The following TENM2 variants were observed in gnomAD, a reference collection of about 807,000 sequenced individuals.
TENM2 encodes the protein teneurin-2.
Under a neutral mutation model 245.2 loss-of-function variants are expected in TENM2, and 52 were observed. That is an observed-to-expected ratio of 0.21 (90% CI 0.17 to 0.27). The LOEUF (loss-of-function observed/expected upper bound fraction) is 0.27, where lower values mean the gene tolerates loss of function less well. Ranked by LOEUF, TENM2 falls within the 10% of genes least tolerant of loss-of-function variation. The pLI, the probability that TENM2 is intolerant of heterozygous loss-of-function variation, is 1.00. For missense variants in TENM2, 3,046 were observed against 3,666.8 expected, an observed-to-expected ratio of 0.83 and a Z score of 4.37; for synonymous variants, 1,363 against 1,438.9, an observed-to-expected ratio of 0.95 and a Z score of 1.19.
chr5:167,188,086 A>G, the TENM2 span, among the ~76,000 whole-genome samples: 160 of 152,184 alleles, frequency 1.1e-3, 1 homozygote, highest in African/African-American at 3.7e-3. Flanking sequence ...TGTTGCATTA[A>G]TTTATTCATC....
intron 1 of TENM2, among the ~76,000 whole-genome samples, chr5:167,310,682 G>T (rs1581715339): frequency 6.6e-6 from 1 of 152,188 alleles, no homozygotes; most frequent in Non-Finnish European, 1.5e-5. Context: ...GATCAGGATT[G>T]AACCTGAAAC....
At chr5:167,609,822 A>G (rs1177981315) in intron 2 of TENM2, among the ~76,000 whole-genome samples, 2 of 152,104 alleles carry the variant, frequency 1.3e-5, no homozygotes, top group Non-Finnish European at 2.9e-5. Flanking sequence ...GGTCACCAAA[A>G]TGTGTGGAGA....
intron 2 of TENM2, among the ~76,000 whole-genome samples, chr5:167,433,442 G>A (rs1764364561): frequency 6.6e-6 from 1 of 152,092 alleles, no homozygotes; most frequent in Admixed American, 6.6e-5. Flanking sequence ...AGACTAATAT[G>A]TAGATTCTTT....
chr5:168,194,960 C>T (rs557479559), intron 14 of TENM2, among the ~76,000 whole-genome samples: 1 of 152,238 alleles, frequency 6.6e-6, no homozygotes, highest in East Asian at 1.9e-4. Context: ...AAGGCGGGTG[C>T]CCAGGAGACC....
chr5:167,567,759 C>T (rs1055271848), intron 2 of TENM2, among the ~76,000 whole-genome samples: 12 of 152,152 alleles, frequency 7.9e-5, no homozygotes, highest in African/African-American at 1.9e-4. Context: ...GGGGTAAAAA[C>T]GCTACAAATA....
At position 168,214,534 on chromosome 5, in the gene TENM2, C is replaced by T. The variant is rs76031745; in HGVS notation, c.3846-506C>T. Among the ~76,000 whole-genome samples, 20 of 152,260 alleles carry T rather than the reference C, an allele frequency of 1.3e-4. 2 individuals are homozygous for T. The East Asian group carries it at 2.5e-3, about 19-fold the overall frequency. On this transcript the variant is annotated intron_variant, in intron 20 of 28. Coordinates refer to ENST00000518659, the Ensembl canonical transcript of TENM2. ...AAGCTCTGAGCCTGGAGATTGGGGG[C>T]GGTTATGGGGTGCTTCCCATGATAA...
At chr5:168,225,324 G>T (rs144643613) in intron 23 of TENM2, among the ~76,000 whole-genome samples, 1 of 152,210 alleles carries the variant, frequency 6.6e-6, no homozygotes. Flanking sequence ...AAGACTCAGG[G>T]CATGGATGGT....
At chr5:168,100,222 G>A (rs1330508610) in intron 9 of TENM2, among the ~76,000 whole-genome samples, 1 of 152,154 alleles carries the variant, frequency 6.6e-6, no homozygotes, top group East Asian at 1.9e-4. Flanking sequence ...TCATTAAAAA[G>A]TCAGGAAACA....
In TENM2 at chr5:168,010,303, A is replaced by C. The variant is rs114576222; in HGVS notation, c.1186+17121A>C. ...AATATAAAGGAAACCTGCCCTTGGG[A>C]ATACAAAGATTGTGTGAGAGTTGTA... On this transcript the variant is annotated intron_variant, in intron 5 of 28. Coordinates refer to ENST00000518659, the Ensembl canonical transcript of TENM2. Among the ~76,000 whole-genome samples the C allele has an allele frequency of 8.2e-4, 125 of 152,334 alleles. 1 individual carries two copies. The highest frequency in any genetic ancestry group is 3.0e-3 in the African/African-American group (124 of 41,586).
chr5:168,115,416 A>AAAGG (rs142790285), intron 9 of TENM2, among the ~76,000 whole-genome samples: 27,073 of 94,602 alleles, frequency 0.29, 4,598 homozygotes, highest in Non-Finnish European at 0.34. Context: ...AAGGGAAAGG[A>AAAGG]AAGGAAGGAA....
intron 2 of TENM2, among the ~76,000 whole-genome samples, chr5:167,569,236 A>C (rs1189043152): frequency 2.6e-5 from 4 of 151,724 alleles, no homozygotes; most frequent in South Asian, 2.1e-4. Context: ...ACATTTCCCC[A>C]AAAAAAGTGT....
chr5:168,244,826 G>A lies in TENM2; in HGVS notation c.5817+110G>A. The A allele has an allele frequency of 3.2e-6, 3 of 935,672 alleles. No individual in the cohort carries two copies. Among genetic ancestry groups the A allele is most frequent in the Non-Finnish European group, 4.3e-6 (3 of 699,566 alleles). The allele number at this position is 935,672 out of a possible 1,614,324, so 58.0% of individuals were successfully genotyped here. A position where few individuals can be genotyped will look rare whatever the true frequency, so the allele number is the denominator to read the frequency against. On this transcript the variant is annotated intron_variant, in intron 26 of 28. Coordinates refer to ENST00000518659, the Ensembl canonical transcript of TENM2. The surrounding 1 kb of genome is among the most constrained non-coding windows in gnomAD (Gnocchi z 4.9). ...GCTCTGTTGCCCAGGCTGGAGTGCAGTGGCATGATCTCGGCTCACTGCAAC... is the reference window on the plus strand; with the variant it reads ...GCTCTGTTGCCCAGGCTGGAGTGCAATGGCATGATCTCGGCTCACTGCAAC...
chr5:167,312,286 A>G (rs1169499285), intron 1 of TENM2, among the ~76,000 whole-genome samples: 2 of 152,246 alleles, frequency 1.3e-5, no homozygotes, highest in Non-Finnish European at 2.9e-5. Context: ...GCATACCATC[A>G]CATGATTTGA....
chr5:167,015,862 G>A, the TENM2 span, among the ~76,000 whole-genome samples: 8 of 152,194 alleles, frequency 5.3e-5, no homozygotes, highest in South Asian at 1.5e-3. Context: ...ACCAAAGACA[G>A]TTATTTATCT....
rs149066098 is a variant in TENM2, at chr5:167,607,015, G to A, written c.502+231542G>A. 5.3e-5 allele frequency among the ~76,000 whole-genome samples: 8 copies of A among 152,198 alleles called. 1 individual carries two copies. In the East Asian group the frequency reaches 1.5e-3, roughly 29 times the overall value. Reference sequence around the variant, plus strand: ...AACTGCTGCTCTCCTGAATATATCAGGAAGGCAATCCAGCAAGAGGGCATA... The same window carrying A: ...AACTGCTGCTCTCCTGAATATATCAAGAAGGCAATCCAGCAAGAGGGCATA... On this transcript the variant is annotated intron_variant, in intron 2 of 28. Coordinates refer to ENST00000518659, the Ensembl canonical transcript of TENM2.
intron 2 of TENM2, among the ~76,000 whole-genome samples, chr5:167,517,205 C>A (rs2127577537): frequency 6.6e-6 from 1 of 152,280 alleles, no homozygotes; most frequent in East Asian, 1.9e-4. Context: ...ACATACCCGT[C>A]TCACAGACAC....
At chr5:168,097,603 C>CGTGT (rs3083428) in intron 8 of TENM2, among the ~76,000 whole-genome samples, 1 of 149,158 alleles carries the variant, frequency 6.7e-6, no homozygotes, top group Admixed American at 6.7e-5. Flanking sequence ...TGTGTGTGTG[C>CGTGT]GTGTGTGTGT....
chr5:167,828,725 C>T (rs1157427287), intron 2 of TENM2, among the ~76,000 whole-genome samples: 1 of 152,104 alleles, frequency 6.6e-6, no homozygotes, highest in Non-Finnish European at 1.5e-5. Context: ...GGGTAATCCT[C>T]TTTAGGAATT....
chr5:168,147,372 T>C (rs1756190687), intron 12 of TENM2, among the ~76,000 whole-genome samples: 1 of 152,226 alleles, frequency 6.6e-6, no homozygotes, highest in Non-Finnish European at 1.5e-5. Context: ...CACAGTAGCA[T>C]ATTTTGCACG....
Sources: allele counts gnomAD v4.1 joint callset (sites outside exome capture counted in the v4.1 genomes callset), GRCh38; gene constraint gnomAD v4.1.1; non-coding constraint Gnocchi (gnomAD v3.1); transcripts MANE v1.5; gene names NCBI Gene and HGNC (gene_info 2026-07-23, HGNC 2026-07-21).